Variants in ANKRD42 observed in about 807,000 individuals in gnomAD.
The protein encoded by ANKRD42 is ankyrin repeat domain-containing protein 42.
A neutral mutation model predicts 51.5 loss-of-function variants in ANKRD42; 43 were observed. That is an observed-to-expected ratio of 0.83 (90% CI 0.65 to 1.08). ANKRD42 has a LOEUF of 1.08. ANKRD42 is among the 50% of genes least tolerant of loss of function. The pLI is 0.00. For synonymous variants in ANKRD42, 203 were observed against 213.0 expected (o/e 0.95, Z 0.41); for missense variants, 608 against 629.3 (o/e 0.97, Z 0.36).
intron 8 of ANKRD42, among the ~76,000 whole-genome samples, chr11:83,238,978 C>T (rs1863305750): frequency 1.3e-5 from 2 of 149,462 alleles, no homozygotes; most frequent in South Asian, 4.3e-4. Flanking sequence ...CACAGCACTC[C>T]AACCTAGGCG....
intron 1 of ANKRD42, among the ~76,000 whole-genome samples, chr11:83,197,506 C>G (rs1054817103): frequency 6.6e-6 from 1 of 152,136 alleles, no homozygotes; most frequent in Non-Finnish European, 1.5e-5. Flanking sequence ...AATTAACATT[C>G]TGATTGTGGA....
chr11:83,254,925 C>T (rs1411685286), intron 11 of ANKRD42, among the ~76,000 whole-genome samples: 1 of 152,152 alleles, frequency 6.6e-6, no homozygotes, highest in Non-Finnish European at 1.5e-5. Context: ...AGAAGTTTAT[C>T]CTACTCTCAA....
At chr11:83,231,641 GGA>G in intron 7 of ANKRD42, among the ~76,000 whole-genome samples, 1 of 152,174 alleles carries the variant, frequency 6.6e-6, no homozygotes, top group East Asian at 1.9e-4. Context: ...CCAATGTCCT[GGA>G]GAGTTTCCCC....
rs2135548945 is a variant in ANKRD42, at chr11:83,239,664, G to T, written c.1020-1095G>T. On this transcript the variant is annotated intron_variant, in intron 8 of 10. Coordinates refer to ENST00000533342, the MANE Select transcript of ANKRD42 (RefSeq NM_001300975.2). ...AGACTATCCTTTCTCCACTGCCTTT[G>T]TGCCTTTGTCAGATCAGTTCTTGAT... 6.9e-5 allele frequency among the ~76,000 whole-genome samples: 5 copies of T among 72,508 alleles called. No homozygotes were observed. The South Asian group carries it at 2.0e-3, about 29-fold the overall frequency. The allele number at this position is 72,508 out of a possible 152,430, so 47.6% of individuals were successfully genotyped here.
At chr11:83,220,500 G>C (rs1479630425) in intron 5 of ANKRD42, among the ~76,000 whole-genome samples, 1 of 152,182 alleles carries the variant, frequency 6.6e-6, no homozygotes, top group Non-Finnish European at 1.5e-5. Flanking sequence ...CAAAGAATTG[G>C]TGTGGTGGCT....
chr11:83,225,335 G>A (rs753753546), intron 6 of ANKRD42, among the ~76,000 whole-genome samples: 14 of 152,126 alleles, frequency 9.2e-5, no homozygotes, highest in Non-Finnish European at 2.1e-4. Context: ...GGGAGTCTGA[G>A]GTGAGTGGAT....
intron 4 of ANKRD42, among the ~76,000 whole-genome samples, 200 bp from the exon 5 acceptor site, chr11:83,211,095 G>A (rs955830752): frequency 1.3e-5 from 2 of 152,066 alleles, no homozygotes; most frequent in Non-Finnish European, 2.9e-5. Flanking sequence ...TATGTGACTC[G>A]TTCTTTTGAA....
intron 2 of ANKRD42, among the ~76,000 whole-genome samples, chr11:83,205,701 A>G (rs1862045026): frequency 6.6e-6 from 1 of 152,228 alleles, no homozygotes; most frequent in African/African-American, 2.4e-5. Context: ...CTTTGAGTGA[A>G]TTTGACTCTT....
Position 83,213,078 on chromosome 11 carries a change from C to T in ANKRD42, c.586+1648C>T, listed in dbSNP as rs552557480. On this transcript the variant is annotated intron_variant, in intron 5 of 10. Transcript: ENST00000533342. The stretch of plus-strand genomic sequence containing the variant: ...ACTAAGAAGTTCTTCCGGCACCAGA[C>T]TGACTGATATGTCAAAATTAAGTGT... 7.3e-5 allele frequency: 117 copies of T among 1,600,486 alleles called. 1 individual carries two copies. In the East Asian group the frequency reaches 2.5e-3, roughly 34 times the overall value.
intron 9 of ANKRD42, among the ~76,000 whole-genome samples, chr11:83,243,971 T>C (rs1459437745): frequency 1.5e-5 from 1 of 65,702 alleles, no homozygotes; most frequent in African/African-American, 5.9e-5. Context: ...GCTGCCCTTT[T>C]TTTTTTTTTT....
intron 3 of ANKRD42, among the ~76,000 whole-genome samples, chr11:83,206,648 T>C (rs569178963): frequency 8.5e-5 from 13 of 152,316 alleles, no homozygotes; most frequent in Non-Finnish European, 1.8e-4. Flanking sequence ...GAAGGCACTA[T>C]CTATGCAGAA....
chr11:83,222,738 G>A (rs911160153), intron 5 of ANKRD42, among the ~76,000 whole-genome samples: 2 of 152,166 alleles, frequency 1.3e-5, no homozygotes, highest in African/African-American at 2.4e-5. Context: ...TGTTATGGTT[G>A]GAGAAGTAAG....
intron 3 of ANKRD42, among the ~76,000 whole-genome samples, chr11:83,208,417 A>C (rs1394502289): frequency 6.6e-6 from 1 of 152,168 alleles, no homozygotes; most frequent in Non-Finnish European, 1.5e-5. Flanking sequence ...ACACGTACAC[A>C]TAAACATCCA....
chr11:83,222,999 C>T (rs1001216882), intron 5 of ANKRD42, among the ~76,000 whole-genome samples: 3 of 152,112 alleles, frequency 2.0e-5, no homozygotes, highest in African/African-American at 7.2e-5. Context: ...CTTGTAGTCC[C>T]AGTAGTTTGG....
intron 1 of ANKRD42, among the ~76,000 whole-genome samples, chr11:83,195,525 G>A (rs1861612109): frequency 6.6e-6 from 1 of 152,018 alleles, no homozygotes; most frequent in Non-Finnish European, 1.5e-5. Flanking sequence ...CTCCCTTCTG[G>A]AAATTTTCCT....
At chr11:83,196,386 TGAGTGTGTGA>T (rs1310452439) in intron 1 of ANKRD42, among the ~76,000 whole-genome samples, 1 of 133,572 alleles carries the variant, frequency 7.5e-6, no homozygotes, top group Non-Finnish European at 1.5e-5. Context: ...GATTTGTGTG[TGAGTGTGTGA>T]GAGTGTGTGT....
chr11:83,249,951 A>G (rs908541302), downstream of ANKRD42, among the ~76,000 whole-genome samples: 5 of 152,150 alleles, frequency 3.3e-5, no homozygotes, highest in Non-Finnish European at 5.9e-5. Flanking sequence ...GGTATTCACT[A>G]TATAGTAGTA....
At chr11:83,213,575 T>C in intron 5 of ANKRD42, 1 of 1,182,482 alleles carries the variant, frequency 8.5e-7, no homozygotes. Flanking sequence ...AGTTTTAGTC[T>C]TTCTGATGGA....
At position 83,248,690 on chromosome 11, in the gene ANKRD42, G is replaced by A; in HGVS notation, c.*486G>A. The A allele has an allele frequency of 2.0e-6, 2 of 977,814 alleles. No homozygotes were observed. The highest frequency in any genetic ancestry group is 2.4e-6 in the Non-Finnish European group (2 of 823,194). 60.6% of individuals were successfully genotyped at this position (977,814 alleles called of 1,614,324 possible). A position where few individuals can be genotyped will look rare whatever the true frequency, so the allele number is the denominator to read the frequency against. The stretch of plus-strand genomic sequence containing the variant: ...TTTATTTTGCACAAACTAGTCATTG[G>A]TCTCTTTAATAACCACTTTAAAAAT... On this transcript the variant is annotated 3_prime_UTR_variant, in exon 11 of 11. Transcript: ENST00000533342.
Sources: gnomAD v4.1 joint callset for allele counts (sites outside exome capture counted in the v4.1 genomes callset) on GRCh38, gnomAD v4.1.1 for gene constraint, MANE v1.5 for transcripts, NCBI Gene and HGNC (gene_info 2026-07-23, HGNC 2026-07-21) for gene names.